ULK4: variants seen among roughly 807,000 people sequenced by gnomAD.
The protein encoded by ULK4 is unc-51 like kinase 4.
Under a neutral mutation model 160.6 loss-of-function variants are expected in ULK4, and 133 were observed. The observed-to-expected ratio is 0.83, with a 90% CI of 0.72 to 0.96. The LOEUF is 0.96. Among genes scored for constraint, ULK4 ranks in the 40% least tolerant of loss-of-function variants. ULK4 has a pLI of 0.00. For missense variants in ULK4, 1,580 were observed against 1,499.5 expected (o/e 1.05, Z -0.89); for synonymous variants, 534 against 539.8 (o/e 0.99, Z 0.15).
chr3:41,568,527 T>G (rs73830241), intron 31 of ULK4, among the ~76,000 whole-genome samples: 9,335 of 152,266 alleles, frequency 0.061, 848 homozygotes, highest in African/African-American at 0.2. Context: ...CCCATTTTAT[T>G]CCAAATATAT....
intron 32 of ULK4, among the ~76,000 whole-genome samples, chr3:41,467,262 T>A (rs12374026): frequency 6.9e-4 from 105 of 152,314 alleles, no homozygotes; most frequent in African/African-American, 2.5e-3. Flanking sequence ...GCACCGTGGC[T>A]CACACCTGTA....
chr3:41,859,821 C>G (rs1023958191), intron 17 of ULK4, among the ~76,000 whole-genome samples: 6 of 139,596 alleles, frequency 4.3e-5, no homozygotes, highest in Non-Finnish European at 7.6e-5. Flanking sequence ...CCATGCCTGG[C>G]TAATTTTTTT....
At chr3:41,815,329 T>C (rs1038391555) in intron 19 of ULK4, among the ~76,000 whole-genome samples, 8 of 152,366 alleles carry the variant, frequency 5.3e-5, no homozygotes, top group Middle Eastern at 3.4e-3. Flanking sequence ...CTGTTTTGTA[T>C]TTCTTCGTGT....
At chr3:41,523,791 G>C (rs941533476) in intron 32 of ULK4, among the ~76,000 whole-genome samples, 7 of 152,204 alleles carry the variant, frequency 4.6e-5, no homozygotes, top group African/African-American at 1.7e-4. Flanking sequence ...ATATACCTAA[G>C]ACAAATGAAA....
At chr3:41,491,695 T>TTA (rs1490488909) in intron 32 of ULK4, among the ~76,000 whole-genome samples, 8 of 102,190 alleles carry the variant, frequency 7.8e-5, no homozygotes, top group South Asian at 2.7e-4. Context: ...AAAAGAATTT[T>TTA]TATATTTTTT....
At chr3:41,628,278 G>T (rs1186916939) in intron 30 of ULK4, among the ~76,000 whole-genome samples, 2 of 151,966 alleles carry the variant, frequency 1.3e-5, no homozygotes, top group Non-Finnish European at 2.9e-5. Flanking sequence ...TTAAAATATG[G>T]CCCCACCAAA....
intron 17 of ULK4, among the ~76,000 whole-genome samples, chr3:41,857,870 A>AG (rs138421212): frequency 0.31 from 47,844 of 151,958 alleles, 11,070 homozygotes; most frequent in African/African-American, 0.66. Context: ...GTCTGGCTAA[A>AG]GTTTGTCATT....
chr3:41,652,173 T>C (rs2034769923), intron 30 of ULK4, among the ~76,000 whole-genome samples: 1 of 152,058 alleles, frequency 6.6e-6, no homozygotes, highest in Non-Finnish European at 1.5e-5. Flanking sequence ...ACCTCTATGA[T>C]GGGAAGCAAG....
intron 31 of ULK4, among the ~76,000 whole-genome samples, chr3:41,571,347 G>T (rs2087966143): frequency 6.6e-6 from 1 of 152,194 alleles, no homozygotes; most frequent in African/African-American, 2.4e-5. Flanking sequence ...CTAAATCCAT[G>T]CAAAGGACAG....
At chr3:41,306,667 C>G (rs920138427) in intron 35 of ULK4, among the ~76,000 whole-genome samples, 87 of 151,156 alleles carry the variant, frequency 5.8e-4, no homozygotes, top group Non-Finnish European at 1.1e-3. Flanking sequence ...TCATTGAGAA[C>G]GGGCCATGAT....
At chr3:41,392,183 A>T (rs959683128) in intron 35 of ULK4, among the ~76,000 whole-genome samples, 1 of 152,136 alleles carries the variant, frequency 6.6e-6, no homozygotes, top group African/African-American at 2.4e-5. Context: ...AAGGATTTCC[A>T]TCACATTTTT....
At chr3:41,609,335 A>G (rs1298701577) in intron 31 of ULK4, among the ~76,000 whole-genome samples, 1 of 152,212 alleles carries the variant, frequency 6.6e-6, no homozygotes, top group Non-Finnish European at 1.5e-5. Context: ...TTGTCACATG[A>G]GCAACTTCAC....
chr3:41,579,549 A>G (rs1186751332), intron 31 of ULK4, among the ~76,000 whole-genome samples: 2 of 133,010 alleles, frequency 1.5e-5, no homozygotes, highest in Non-Finnish European at 3.1e-5. Flanking sequence ...GCTGGAGTGC[A>G]GTGGCGCGAT....
At chr3:41,777,988 T>A (rs1435184996) in intron 21 of ULK4, among the ~76,000 whole-genome samples, 1 of 132,702 alleles carries the variant, frequency 7.5e-6, no homozygotes, top group African/African-American at 3.1e-5. Flanking sequence ...GCCAGGGCAA[T>A]CAGGCAGGAG....
At chr3:41,413,262 G>A (rs977659310) in intron 34 of ULK4, among the ~76,000 whole-genome samples, 1 of 152,160 alleles carries the variant, frequency 6.6e-6, no homozygotes, top group African/African-American at 2.4e-5. Context: ...TCAACATGAG[G>A]GGATTATGGG....
chr3:41,276,603 C>T (rs1280147803), intron 35 of ULK4, among the ~76,000 whole-genome samples: 1 of 152,184 alleles, frequency 6.6e-6, no homozygotes, highest in African/African-American at 2.4e-5. Flanking sequence ...AATGTAACTA[C>T]ATAAAAATTG....
At chr3:41,721,791 C>A (rs1399596174) in intron 22 of ULK4, among the ~76,000 whole-genome samples, 1 of 152,122 alleles carries the variant, frequency 6.6e-6, no homozygotes, top group Admixed American at 6.5e-5. Context: ...GCAAGGCAAA[C>A]AGACAGCCCG....
At chr3:41,724,978 G>C (rs1056742781) in intron 22 of ULK4, among the ~76,000 whole-genome samples, 1 of 152,050 alleles carries the variant, frequency 6.6e-6, no homozygotes, top group East Asian at 1.9e-4. Context: ...TCTTTTCCTT[G>C]ATGAAGTAAG....
At chr3:41,815,920 T>C (rs2040948976) in intron 19 of ULK4, among the ~76,000 whole-genome samples, 1 of 152,126 alleles carries the variant, frequency 6.6e-6, no homozygotes, top group Non-Finnish European at 1.5e-5. Flanking sequence ...AAGCATTTCA[T>C]AAGATACAAA....
Sources: allele counts gnomAD v4.1 joint callset (sites outside exome capture counted in the v4.1 genomes callset), GRCh38; gene constraint gnomAD v4.1.1; transcripts MANE v1.5; gene names NCBI Gene and HGNC (gene_info 2026-07-23, HGNC 2026-07-21).